Variants in GLOD4 observed in about 807,000 individuals in gnomAD.
The protein encoded by GLOD4 is glyoxalase domain containing 4.
A neutral mutation model predicts 39.1 loss-of-function variants in GLOD4; 44 were observed. The observed-to-expected ratio is 1.13, with a 90% confidence interval of 0.88 to 1.45. GLOD4 has a LOEUF of 1.45. Ranked by LOEUF, GLOD4 falls within the 40% of genes most tolerant of loss-of-function variation. The probability of loss-of-function intolerance (pLI) is 0.00; values close to 1 mark genes in which losing one functional copy is unlikely to be tolerated. For synonymous variants in GLOD4, 145 were observed against 135.0 expected, an observed-to-expected ratio of 1.07 and a Z score of -0.52; for missense variants, 405 against 366.4, an observed-to-expected ratio of 1.11 and a Z score of -0.86.
intron 1 of GLOD4, 62 bp from the exon 2 acceptor site, chr17:778,806 A>T (rs371567611): frequency 4.4e-5 from 39 of 893,986 alleles, no homozygotes; most frequent in Non-Finnish European, 6.6e-5. Context: ...CGTCTTTAGC[A>T]CAGACTAAAA....
rs761835834 is a variant in GLOD4, at chr17:775,771, T to A, written c.406+4A>T. 6.2e-7 allele frequency: 1 copy of A among 1,612,932 alleles called. No individual in the cohort carries two copies. The highest frequency in any genetic ancestry group is 1.3e-5 in the African/African-American group (1 of 75,050). On this transcript the variant is annotated splice_donor_region_variant and intron_variant, in intron 4 of 8. Coordinates refer to ENST00000301329, the MANE Select transcript of GLOD4 (RefSeq NM_016080.4). ...GAGGCTTTTACTGGTTCTGGTATAA[T>A]TACCTGACTGAGGCAGACTGCGATT...
chr17:781,577 C>G (rs771945115), intron 1 of GLOD4, among the ~76,000 whole-genome samples: 1 of 152,156 alleles, frequency 6.6e-6, no homozygotes, highest in Non-Finnish European at 1.5e-5. Flanking sequence ...TGTTCCCTAC[C>G]TCCCTGGCTT....
At chr17:773,346 C>T (rs1908315177) in intron 4 of GLOD4, among the ~76,000 whole-genome samples, 1 of 152,106 alleles carries the variant, frequency 6.6e-6, no homozygotes, top group African/African-American at 2.4e-5. Context: ...CATAAATATC[C>T]AACAATAGAG....
chr17:772,013 CAAAAAA>C (rs67745456), intron 4 of GLOD4, among the ~76,000 whole-genome samples: 1 of 50,992 alleles, frequency 2.0e-5, no homozygotes, highest in Non-Finnish European at 3.3e-5. Context: ...AACTCTGTCT[CAAAAAA>C]AAAAAAAAAA....
At chr17:776,392 C>G (rs1402966925) in intron 3 of GLOD4, among the ~76,000 whole-genome samples, 2 of 152,234 alleles carry the variant, frequency 1.3e-5, no homozygotes, top group Non-Finnish European at 2.9e-5. Context: ...TTATAATGGC[C>G]TCTCTGCCTC....
upstream of GLOD4, chr17:782,692 G>T (rs186241400): frequency 1.9e-6 from 3 of 1,596,192 alleles, no homozygotes; most frequent in Non-Finnish European, 2.6e-6. Context: ...AGGAGGCTGA[G>T]GTGATGTGGT....
intron 2 of GLOD4, among the ~76,000 whole-genome samples, chr17:778,057 C>T (rs1909252544): frequency 6.6e-6 from 1 of 152,212 alleles, no homozygotes. Context: ...CCCAGAAGAG[C>T]ATGGAAGCTC....
At chr17:771,779 T>C (rs1271366157) in intron 4 of GLOD4, among the ~76,000 whole-genome samples, 1 of 151,776 alleles carries the variant, frequency 6.6e-6, no homozygotes, top group Non-Finnish European at 1.5e-5. Context: ...CCAAGGCAAG[T>C]GGATTACCTG....
upstream of GLOD4, chr17:783,247 T>TGAAA (rs1910296878): frequency 6.2e-7 from 1 of 1,614,064 alleles, no homozygotes; most frequent in African/African-American, 1.3e-5. Context: ...GTCGATAAGC[T>TGAAA]GAAAGGTGTC....
chr17:770,227 A>T, intron 6 of GLOD4, 70 bp from the exon 7 acceptor site: 2 of 852,418 alleles, frequency 2.3e-6, no homozygotes, highest in Non-Finnish European at 4.0e-6. Context: ...CGTCAGTCCT[A>T]GAGGAGTATC....
At chr17:770,592 T>C in intron 5 of GLOD4, 85 bp from the exon 6 acceptor site, 1 of 749,774 alleles carries the variant, frequency 1.3e-6, no homozygotes, top group Non-Finnish European at 2.5e-6. Context: ...TATTATATAC[T>C]AAAGGAATAA....
chr17:781,303 T>C (rs1400417354), intron 1 of GLOD4, among the ~76,000 whole-genome samples: 3 of 152,200 alleles, frequency 2.0e-5, no homozygotes, highest in Admixed American at 2.0e-4. Flanking sequence ...ATCGAAAGTT[T>C]GGTGGTTTTT....
chr17:770,510 GA>G lies in GLOD4; in HGVS notation c.544-4del, dbSNP rs1474195395. On this transcript the variant is annotated splice_region_variant and splice_polypyrimidine_tract_variant and intron_variant, in intron 5 of 8. Coordinates refer to ENST00000301329, the MANE Select transcript of GLOD4 (RefSeq NM_016080.4). The stretch of plus-strand genomic sequence containing the variant: ...ACGCCCTGTAGCTCCAGCTTACACT[GA>G]AATAGGAAAGGGGGTTATTTTTTGG... The G allele has an allele frequency of 1.4e-6, 2 of 1,454,602 alleles. No individual in the cohort carries two copies. Among genetic ancestry groups the G allele is most frequent in the Admixed American group, 1.7e-5 (1 of 59,830 alleles). 90.1% of individuals were successfully genotyped at this position (1,454,602 alleles called of 1,614,324 possible). A position where few individuals can be genotyped will look rare whatever the true frequency, so the allele number is the denominator to read the frequency against.
At chr17:768,273 T>C (rs28369592) in intron 8 of GLOD4, among the ~76,000 whole-genome samples, 102 of 95,656 alleles carry the variant, frequency 1.1e-3, no homozygotes, top group African/African-American at 1.9e-3. Flanking sequence ...CTGGAGAGGA[T>C]GTGAGAGAGA....
chr17:779,791 G>A (rs1909575516), intron 1 of GLOD4, among the ~76,000 whole-genome samples: 1 of 152,194 alleles, frequency 6.6e-6, no homozygotes, highest in Non-Finnish European at 1.5e-5. Context: ...GGCTCTCAAC[G>A]TGTTAGCTTT....
Position 769,956 on chromosome 17 carries a change from C to T in GLOD4, c.745-1G>A. On this transcript the variant is annotated splice_acceptor_variant, in intron 7 of 8. Coordinates refer to ENST00000301329, the MANE Select transcript of GLOD4 (RefSeq NM_016080.4). LOFTEE classifies it high-confidence loss of function. ...CGACAAAGCAAATTTCATGTCCGTC[C>T]TACACCAATAAAGAGAAAAGACACC... The T allele has an allele frequency of 6.2e-7, 1 of 1,604,568 alleles. No homozygotes were observed. The highest frequency in any genetic ancestry group is 1.7e-5 in the Admixed American group (1 of 60,018).
upstream of GLOD4, chr17:783,063 T>C (rs1159716443): frequency 1.9e-6 from 3 of 1,577,996 alleles, no homozygotes; most frequent in Non-Finnish European, 2.6e-6. Flanking sequence ...CCTGTTTTTT[T>C]TTTTTATTTC....
intron 5 of GLOD4, 195 bp downstream of exon 5, chr17:771,117 TATCCCCAAATATA>T: frequency 2.5e-6 from 1 of 396,494 alleles, no homozygotes; most frequent in East Asian, 4.5e-5. Flanking sequence ...TGAAGAGATA[TATCCCCAAATATA>T]AACAAGGTAA....
intron 8 of GLOD4, chr17:763,463 G>C (rs1049281507): frequency 6.6e-6 from 1 of 152,194 alleles, no homozygotes. Context: ...GGAGGCTGCA[G>C]TGAGCTGAGA....
Sources: allele counts gnomAD v4.1 joint callset (sites outside exome capture counted in the v4.1 genomes callset), GRCh38; gene constraint gnomAD v4.1.1; transcripts MANE v1.5; gene names NCBI Gene and HGNC (gene_info 2026-07-23, HGNC 2026-07-21).